The following ALX4 variants were observed in gnomAD, a reference collection of about 807,000 sequenced individuals.
ALX4 encodes the protein homeobox protein aristaless-like 4.
Under a neutral mutation model 40.6 loss-of-function variants are expected in ALX4, and 22 were observed. The observed-to-expected ratio is 0.54, with a 90% CI of 0.39 to 0.77. The LOEUF (loss-of-function observed/expected upper bound fraction) is 0.77. ALX4 is among the 30% of genes least tolerant of loss of function. The pLI, the probability that ALX4 is intolerant of heterozygous loss-of-function variation, is 0.00. For synonymous variants in ALX4, 266 were observed against 240.5 expected (o/e 1.11, Z -0.98); for missense variants, 556 against 564.8 (o/e 0.98, Z 0.16).
intron 2 of ALX4, among the ~76,000 whole-genome samples, chr11:44,274,825 G>A (rs1227977845): frequency 1.3e-5 from 2 of 152,232 alleles, no homozygotes; most frequent in East Asian, 1.9e-4. Flanking sequence ...AGCCACAGTG[G>A]TCAGGAAGAC....
intron 1 of ALX4, among the ~76,000 whole-genome samples, chr11:44,297,672 C>A (rs973143874): frequency 2.6e-5 from 4 of 151,964 alleles, no homozygotes; most frequent in African/African-American, 7.3e-5. Flanking sequence ...GCTGAGATTG[C>A]GCCACTGCAC....
chr11:44,306,306 C>G (rs1248392616), intron 1 of ALX4, among the ~76,000 whole-genome samples: 1 of 152,222 alleles, frequency 6.6e-6, no homozygotes, highest in Non-Finnish European at 1.5e-5. Context: ...GGGTTTCTCT[C>G]ACCAACTCTT....
In ALX4 at chr11:44,260,510, G is replaced by A. The variant is rs115411752; in HGVS notation, c.*4344C>T. 2.2e-3 allele frequency: 332 copies of A among 152,272 alleles called. 2 individuals carry two copies. Among genetic ancestry groups the A allele is most frequent in the African/African-American group, 7.7e-3 (319 of 41,538 alleles). 9.4% of individuals were successfully genotyped at this position (152,272 alleles called of 1,614,324 possible). A position where few individuals can be genotyped will look rare whatever the true frequency, so the allele number is the denominator to read the frequency against. ...ACAGTTTGGGCTGGGCCAGCAAAGG[G>A]TGTTCTGGGAGTGCCCGGCTACCTC... On this transcript the variant is annotated 3_prime_UTR_variant, in exon 4 of 4. Coordinates refer to ENST00000652299, the MANE Select transcript of ALX4 (RefSeq NM_021926.4).
chr11:44,267,156 G>C (rs926273148), intron 3 of ALX4, among the ~76,000 whole-genome samples: 5 of 152,170 alleles, frequency 3.3e-5, no homozygotes, highest in African/African-American at 9.7e-5. Flanking sequence ...TTTCTGAAGA[G>C]ACCCTCCGAG....
chr11:44,274,962 G>A (rs1423417898), intron 2 of ALX4, among the ~76,000 whole-genome samples: 2 of 152,158 alleles, frequency 1.3e-5, no homozygotes, highest in Non-Finnish European at 2.9e-5. Context: ...CTTCATGTTT[G>A]TCCTGTTTCC....
chr11:44,275,244 AGCCAT>A, intron 2 of ALX4, 99 bp downstream of exon 2: 1 of 1,205,044 alleles, frequency 8.3e-7, no homozygotes, highest in Non-Finnish European at 1.2e-6. Context: ...AGGAAAGGAA[AGCCAT>A]GGTGTGGTTG....
At chr11:44,305,686 T>C (rs1407669846) in intron 1 of ALX4, among the ~76,000 whole-genome samples, 1 of 152,236 alleles carries the variant, frequency 6.6e-6, no homozygotes, top group Non-Finnish European at 1.5e-5. Flanking sequence ...CCACTGAGTC[T>C]AATTCGAAAA....
At chr11:44,307,747 C>CCG (rs1400773974) in intron 1 of ALX4, among the ~76,000 whole-genome samples, 1 of 152,194 alleles carries the variant, frequency 6.6e-6, no homozygotes, top group Non-Finnish European at 1.5e-5. Flanking sequence ...ACGGACAGGG[C>CCG]TGAGAGTCTC....
At chr11:44,280,226 C>T (rs747720588) in intron 1 of ALX4, among the ~76,000 whole-genome samples, 4 of 152,180 alleles carry the variant, frequency 2.6e-5, no homozygotes, top group African/African-American at 7.2e-5. Context: ...ATGCAGAGAG[C>T]AAGGGACAGA....
At chr11:44,302,820 C>G (rs1745835581) in intron 1 of ALX4, among the ~76,000 whole-genome samples, 2 of 152,166 alleles carry the variant, frequency 1.3e-5, no homozygotes, top group Admixed American at 6.5e-5. Context: ...CCACCTTACC[C>G]CAGTTTCTCC....
intron 1 of ALX4, among the ~76,000 whole-genome samples, chr11:44,285,691 TTTTTTTA>T (rs1565004804): frequency 6.6e-6 from 1 of 152,222 alleles, no homozygotes. Flanking sequence ...TTCCTTTTTT[TTTTTTTA>T]TTTTTTAACT....
rs10734522 is a variant in ALX4 at position 44,260,570 on chromosome 11, A to C, written c.*4284T>G. The C allele has an allele frequency of 2.6e-5, 4 of 152,242 alleles. No homozygotes were observed. The highest frequency in any genetic ancestry group is 6.5e-5 in the Admixed American group (1 of 15,306). 9.4% of individuals were successfully genotyped at this position (152,242 alleles called of 1,614,324 possible). A position where few individuals can be genotyped will look rare whatever the true frequency, so the allele number is the denominator to read the frequency against. On this transcript the variant is annotated 3_prime_UTR_variant, in exon 4 of 4. Transcript: ENST00000652299. Reference sequence around the variant, plus strand: ...TTTTGCCCCATGCCTGGGCCCCTACATCTCCTTCCCATCCGTGTTCCTCCT... The same window carrying C: ...TTTTGCCCCATGCCTGGGCCCCTACCTCTCCTTCCCATCCGTGTTCCTCCT...
chr11:44,265,937 C>A (rs1253641882), intron 3 of ALX4, among the ~76,000 whole-genome samples: 1 of 152,152 alleles, frequency 6.6e-6, no homozygotes, highest in Non-Finnish European at 1.5e-5. Context: ...CTTCCTCTAC[C>A]TTCTAGGCAC....
At chr11:44,275,737 C>A in intron 1 of ALX4, 79 bp from the exon 2 acceptor site, 1 of 1,414,712 alleles carries the variant, frequency 7.1e-7, no homozygotes, top group Non-Finnish European at 9.7e-7. Flanking sequence ...GAGAGTGGGG[C>A]ACTCGGGTAG....
At chr11:44,267,350 TA>T in intron 3 of ALX4, 143 bp downstream of exon 3, 2 of 1,111,636 alleles carry the variant, frequency 1.8e-6, no homozygotes, top group Middle Eastern at 3.0e-4. Context: ...CACTCTGGTA[TA>T]AACAGGCACA....
chr11:44,309,181 C>CGCAGCCCCGCAGCCCCGCAGCCCA (rs1956489094), intron 1 of ALX4, among the ~76,000 whole-genome samples: 1 of 125,766 alleles, frequency 8.0e-6, no homozygotes, highest in South Asian at 2.5e-4. Context: ...CCCGCAGCCT[C>CGCAGCCCCGCAGCCCCGCAGCCCA]GCAGCCCCGC....
At position 44,309,664 on chromosome 11, in the gene ALX4, C is replaced by A. The variant is rs1203791964; in HGVS notation, c.399G>T (p.Pro133=). The A allele has an allele frequency of 1.9e-6, 3 of 1,592,280 alleles. No homozygotes were observed. In the South Asian group the frequency reaches 3.4e-5, roughly 18 times the overall value. The stretch of plus-strand genomic sequence containing the variant: ...CTTCCTGGAGTTTGAGGCTGCCGTC[C>A]GGGGGCGTCTTGCAGGCGCCTCGCT... ...YLQRGACKTP[P]DGSLKLQEGS... The change falls in exon 1 of 4, where the codon CCG becomes CCT. Residue 133 remains proline (P), a synonymous_variant. Transcript: ENST00000652299.
chr11:44,309,310 C>A (rs1412893031), intron 1 of ALX4, among the ~76,000 whole-genome samples: 1 of 152,222 alleles, frequency 6.6e-6, no homozygotes, highest in African/African-American at 2.4e-5. Context: ...TCCCGCCCAG[C>A]GGGCAGCGCA....
At chr11:44,276,703 G>T (rs1590692109) in intron 1 of ALX4, among the ~76,000 whole-genome samples, 2 of 152,172 alleles carry the variant, frequency 1.3e-5, no homozygotes, top group Non-Finnish European at 2.9e-5. Flanking sequence ...TTTTTCCATG[G>T]GTGGAGAAGG....
Sources: gnomAD v4.1 joint callset for allele counts (sites outside exome capture counted in the v4.1 genomes callset) on GRCh38, gnomAD v4.1.1 for gene constraint, MANE v1.5 for transcripts, NCBI Gene and HGNC (gene_info 2026-07-23, HGNC 2026-07-21) for gene names.